The following VIRMA variants were observed in gnomAD, a reference collection of about 807,000 sequenced individuals.
VIRMA encodes the protein protein virilizer homolog.
In VIRMA, 65 loss-of-function variants were observed where a neutral mutation model predicts 182.4. The ratio of observed to expected loss-of-function variants is 0.36; its 90% CI spans 0.29 to 0.44. The LOEUF is 0.44. Ranked by LOEUF, VIRMA falls within the 20% of genes least tolerant of loss-of-function variation. The probability of loss-of-function intolerance (pLI) is 1.00; values close to 1 mark genes in which losing one functional copy is unlikely to be tolerated. For missense variants in VIRMA, 1,752 were observed against 2,158.1 expected, an observed-to-expected ratio of 0.81 and a Z score of 3.73; for synonymous variants, 709 against 743.1, an observed-to-expected ratio of 0.95 and a Z score of 0.75.
At chr8:94,551,232 C>T (rs1413862895) in intron 1 of VIRMA, among the ~76,000 whole-genome samples, 6 of 152,184 alleles carry the variant, frequency 3.9e-5, no homozygotes, top group Non-Finnish European at 8.8e-5. Flanking sequence ...TGAAGTCTTT[C>T]CTGATACACT....
At chr8:94,495,009 A>ATT (rs112365062) in intron 19 of VIRMA, 53 bp from the exon 20 acceptor site, 7,460 of 1,040,404 alleles carry the variant, frequency 7.2e-3, no homozygotes, top group South Asian at 0.014. Context: ...TCAAATTTCA[A>ATT]TTTTTTTTTT....
In VIRMA at chr8:94,496,446, A is replaced by G. The variant is rs374090382; in HGVS notation, c.4265T>C (p.Val1422Ala). The change falls in exon 18 of 24, where the codon GTA becomes GCA. Residue 1422 changes from valine to alanine, a missense_variant. This residue lies in a region of VIRMA where 777 missense variants were observed against 920.6 expected (regional missense o/e 0.84). Coordinates refer to ENST00000297591, the MANE Select transcript of VIRMA (RefSeq NM_015496.5). ...CCGDDNGLME[V>A]EGAHTSRTMS... ...CGTCCGTGATGTATGAGCTCCCTCT[A>G]CTTCCATGAGACCATTATCATCTCC... 2 of 1,613,184 alleles carry G rather than the reference A, an allele frequency of 1.2e-6. No homozygotes were observed. The highest frequency in any genetic ancestry group is 1.1e-5 in the South Asian group (1 of 90,890).
Position 94,511,258 on chromosome 8 carries a change from G to A in VIRMA, c.3317C>T (p.Pro1106Leu). ...KEVLSSILKV[P>L]EGFFSGLILL... is the part of the protein sequence containing the mutation. ...TATGAGTCCAGAAAAAAATCCTTCAGGAACCTTCAAGATTGAAGAAAGAAC... is the reference window on the plus strand; with the variant it reads ...TATGAGTCCAGAAAAAAATCCTTCAAGAACCTTCAAGATTGAAGAAAGAAC... Residue 1106 changes from proline to leucine, a missense_variant, in exon 13 of 24, where the codon CCT becomes CTT. By Grantham distance (98) the Pro-to-Leu change is moderately conservative. Around this residue, in one of 11 missense-constraint regions of VIRMA, gnomAD observed 777 missense variants for 920.6 expected, o/e 0.84. Transcript: ENST00000297591. 6.2e-7 allele frequency: 1 copy of A among 1,614,018 alleles called. No individual in the cohort carries two copies. The highest frequency in any genetic ancestry group is 8.5e-7 in the Non-Finnish European group (1 of 1,179,972).
intron 2 of VIRMA, among the ~76,000 whole-genome samples, chr8:94,540,487 G>A (rs1463839506): frequency 2.3e-5 from 3 of 130,508 alleles, no homozygotes; most frequent in South Asian, 4.6e-4. Flanking sequence ...TTTTTGAGAC[G>A]GAGTCTTGCT....
intron 2 of VIRMA, among the ~76,000 whole-genome samples, chr8:94,543,581 TA>T (rs1334719366): frequency 1.7e-4 from 25 of 147,970 alleles, no homozygotes; most frequent in East Asian, 3.9e-4. Context: ...CACCATCAGT[TA>T]AAAAAAAAAT....
At chr8:94,493,045 A>G (rs1271665220) in intron 20 of VIRMA, among the ~76,000 whole-genome samples, 1 of 152,192 alleles carries the variant, frequency 6.6e-6, no homozygotes, top group East Asian at 1.9e-4. Context: ...CATTCTTCAA[A>G]GCAGGGCTAT....
rs1354982193 is a variant in VIRMA at position 94,488,815 on chromosome 8, C to A, written c.5330G>T (p.Gly1777Val). 2 of 1,614,174 alleles carry A rather than the reference C, an allele frequency of 1.2e-6. No individual in the cohort carries two copies. Among genetic ancestry groups the A allele is most frequent in the African/African-American group, 1.3e-5 (1 of 75,042 alleles). The change falls in exon 24 of 24, where the codon GGA (glycine) becomes GTA (valine). Residue 1777 changes from glycine (G) to valine (V), a missense_variant. Physicochemically the swap from Gly to Val is moderately radical, Grantham distance 109. Coordinates refer to ENST00000297591, the MANE Select transcript of VIRMA (RefSeq NM_015496.5). ...TGCACTAGCCCAGGAAGGTCCAAGT[C>A]CCCCACGACCTCTAGAAGCACGGTC... ...PRDRASRGRGGLGPSWASANS... is the reference protein window; with the variant it reads ...PRDRASRGRGVLGPSWASANS...
At chr8:94,519,678 G>T (rs1484804796) in intron 8 of VIRMA, among the ~76,000 whole-genome samples, 2 of 152,200 alleles carry the variant, frequency 1.3e-5, no homozygotes, top group Non-Finnish European at 2.9e-5. Context: ...GTGAGGCTTT[G>T]TCCTAGTTAG....
At chr8:94,525,542 C>T (rs1295754793) in intron 8 of VIRMA, among the ~76,000 whole-genome samples, 1 of 152,190 alleles carries the variant, frequency 6.6e-6, no homozygotes, top group Non-Finnish European at 1.5e-5. Context: ...CATATCCCAT[C>T]CCCTGGGAAT....
intron 2 of VIRMA, among the ~76,000 whole-genome samples, chr8:94,540,679 C>T (rs1269222239): frequency 1.3e-5 from 2 of 151,858 alleles, no homozygotes; most frequent in Non-Finnish European, 2.9e-5. Flanking sequence ...CCAGGCTGGT[C>T]TCAAACTCCT....
chr8:94,535,557 G>C (rs1412624996), intron 4 of VIRMA, among the ~76,000 whole-genome samples: 1 of 152,120 alleles, frequency 6.6e-6, no homozygotes, highest in Non-Finnish European at 1.5e-5. Context: ...GGCTAAGGTG[G>C]GTGGATCACA....
chr8:94,529,466 A>C (rs1815085068), intron 6 of VIRMA, 124 bp from the exon 7 acceptor site: 1 of 613,552 alleles, frequency 1.6e-6, no homozygotes, highest in Non-Finnish European at 2.9e-6. Flanking sequence ...CTTAAAAAAA[A>C]AGAATTACTC....
Position 94,495,762 on chromosome 8 carries a change from G to A in VIRMA, c.4513C>T (p.Pro1505Ser), listed in dbSNP as rs1438190341. 6.2e-7 allele frequency: 1 copy of A among 1,613,644 alleles called. No homozygotes were observed. Among genetic ancestry groups the A allele is most frequent in the Admixed American group, 1.7e-5 (1 of 59,948 alleles). The part of the protein sequence containing the change: ...DQDVEPVLSA[P>S]ESLQNLFNNR... ...TTAAACAGATTCTGAAGAGATTCTG[G>A]AGCTGAAAGTACTGGTTCTACATCC... is the stretch of plus-strand genomic sequence containing the variant. Residue 1505 changes from proline to serine, a missense_variant, in exon 19 of 24, where the codon CCA becomes TCA. Around this residue, in one of 11 missense-constraint regions of VIRMA, gnomAD observed 777 missense variants for 920.6 expected, o/e 0.84. Transcript: ENST00000297591.
At chr8:94,509,994 T>A (rs1170936336) in intron 14 of VIRMA, 54 bp from the exon 15 acceptor site, 1 of 1,473,866 alleles carries the variant, frequency 6.8e-7, no homozygotes, top group Non-Finnish European at 9.1e-7. Context: ...TAAGGCATTG[T>A]TTAACTAGTA....
In VIRMA at chr8:94,517,831, G is replaced by A; in HGVS notation, c.2625C>T (p.Leu875=). Residue 875 remains leucine, a synonymous_variant, in exon 10 of 24, where the codon CTC becomes CTT. Transcript: ENST00000297591. The part of the protein sequence containing the change: ...VQMLEQHAAS[L]LKLCKADENN... ...TTTCATCTGCTTTACAAAGCTTCAA[G>A]AGAGATGCTGCATGTTGTTCTAGCA... 6.2e-7 allele frequency: 1 copy of A among 1,612,132 alleles called. No homozygotes were observed. Among genetic ancestry groups the A allele is most frequent in the East Asian group, 2.2e-5 (1 of 44,704 alleles).
At chr8:94,511,064 T>G in intron 13 of VIRMA, 121 bp downstream of exon 13, 2 of 1,447,892 alleles carry the variant, frequency 1.4e-6, no homozygotes, top group Non-Finnish European at 1.8e-6. Flanking sequence ...CCTCATCCGG[T>G]TATTTTATGT....
Position 94,549,787 on chromosome 8 carries a change from T to C in VIRMA, c.63+3598A>G, listed in dbSNP as rs1264027413. On this transcript the variant is annotated intron_variant, in intron 1 of 23. Coordinates refer to ENST00000297591, the MANE Select transcript of VIRMA (RefSeq NM_015496.5). ...GCTCAGTTTCCTTATCTATAAAATG[T>C]AGATGACTACCTTTGAAAACTCAGC... Among the ~76,000 whole-genome samples, 2 of 152,172 alleles carry C rather than the reference T, an allele frequency of 1.3e-5. 1 individual carries two copies. Among genetic ancestry groups the C allele is most frequent in the Non-Finnish European group, 2.9e-5 (2 of 68,010 alleles).
At chr8:94,542,333 A>C (rs988511154) in intron 2 of VIRMA, among the ~76,000 whole-genome samples, 4 of 152,166 alleles carry the variant, frequency 2.6e-5, no homozygotes, top group African/African-American at 9.7e-5. Flanking sequence ...GCCCATGGAG[A>C]GGATCTCCTG....
At chr8:94,528,937 G>A (rs1815060905) in intron 7 of VIRMA, 133 bp downstream of exon 7, 1 of 1,086,392 alleles carries the variant, frequency 9.2e-7, no homozygotes, top group Non-Finnish European at 1.3e-6. Flanking sequence ...CATGCCTTGA[G>A]GCCTAGCTAC....
Sources: gnomAD v4.1 joint callset for allele counts (sites outside exome capture counted in the v4.1 genomes callset) on GRCh38, gnomAD v4.1.1 for gene constraint, gnomAD v4.1.1 regional missense constraint, MANE v1.5 for transcripts, NCBI Gene and HGNC (gene_info 2026-07-23, HGNC 2026-07-21) for gene names.